Variants in CHST11 observed in about 807,000 individuals in gnomAD.
CHST11 encodes the protein C4S-1.
A neutral mutation model predicts 30.4 loss-of-function variants in CHST11; 9 were observed. The observed-to-expected ratio is 0.30, with a 90% confidence interval of 0.18 to 0.52. The LOEUF (loss-of-function observed/expected upper bound fraction) is 0.52. Ranked by LOEUF, CHST11 falls within the 20% of genes least tolerant of loss-of-function variation. CHST11 has a pLI of 0.97. For synonymous variants in CHST11, 152 were observed against 187.8 expected (o/e 0.81, Z 1.56); for missense variants, 348 against 460.6 (o/e 0.76, Z 2.24).
In CHST11 at chr12:104,537,284, G is replaced by C. The variant is rs535907971; in HGVS notation, c.119-64622G>C. On this transcript the variant is annotated intron_variant, in intron 1 of 2. Coordinates refer to ENST00000303694, the MANE Select transcript of CHST11 (RefSeq NM_018413.6). ...GAAGACCTAAAACAGCAGAACCTAA[G>C]ATGGTGGGCTGGTGCTATCCATAGA... Among the ~76,000 whole-genome samples, 21 of 152,342 alleles carry C rather than the reference G, an allele frequency of 1.4e-4. No individual in the cohort carries two copies. In the South Asian group the frequency reaches 4.1e-3, roughly 30 times the overall value.
intron 1 of CHST11, among the ~76,000 whole-genome samples, chr12:104,468,190 G>A (rs1019638795): frequency 6.6e-5 from 10 of 152,122 alleles, no homozygotes; most frequent in Non-Finnish European, 1.3e-4. Context: ...TTTTAAATAG[G>A]ATTGTCAGGG....
At chr12:104,590,659 T>A (rs1424146633) in intron 1 of CHST11, among the ~76,000 whole-genome samples, 1 of 151,478 alleles carries the variant, frequency 6.6e-6, no homozygotes, top group Non-Finnish European at 1.5e-5. Flanking sequence ...CAGTGGCTCA[T>A]GCCTGTAATC....
At chr12:104,598,266 C>T (rs1230069062) in intron 1 of CHST11, among the ~76,000 whole-genome samples, 1 of 152,252 alleles carries the variant, frequency 6.6e-6, no homozygotes, top group East Asian at 1.9e-4. Flanking sequence ...TCATTTGTGG[C>T]CCCTGGAAAC....
rs1294894353 is a variant in CHST11 at position 104,758,351 on chromosome 12, C to T, written c.*548C>T. The T allele has an allele frequency of 6.6e-6, 1 of 152,274 alleles. No individual in the cohort carries two copies. Among genetic ancestry groups the T allele is most frequent in the Non-Finnish European group, 1.5e-5 (1 of 68,126 alleles). The allele number at this position is 152,274 out of a possible 1,614,324, so 9.4% of individuals were successfully genotyped here. A position where few individuals can be genotyped will look rare whatever the true frequency, so the allele number is the denominator to read the frequency against. Reference sequence around the variant, plus strand: ...CTTAGAGTCATCTTTGCAAGGGACTCATTCCAAACCAATTCCAATCGACCT... The same window carrying T: ...CTTAGAGTCATCTTTGCAAGGGACTTATTCCAAACCAATTCCAATCGACCT... On this transcript the variant is annotated 3_prime_UTR_variant, in exon 3 of 3. Transcript: ENST00000303694.
chr12:104,668,020 G>C (rs2039657913), intron 2 of CHST11, among the ~76,000 whole-genome samples: 1 of 152,142 alleles, frequency 6.6e-6, no homozygotes, highest in Non-Finnish European at 1.5e-5. Flanking sequence ...CTAGCCAGTA[G>C]AGCCAACCCA....
At chr12:104,584,201 A>G (rs1310395293) in intron 1 of CHST11, among the ~76,000 whole-genome samples, 1 of 151,672 alleles carries the variant, frequency 6.6e-6, no homozygotes, top group Non-Finnish European at 1.5e-5. Flanking sequence ...ATACTATACA[A>G]TGTGAAAGAA....
chr12:104,626,075 C>A (rs2039212215), intron 2 of CHST11, among the ~76,000 whole-genome samples: 1 of 152,126 alleles, frequency 6.6e-6, no homozygotes. Flanking sequence ...CACAGGGGGA[C>A]TGTTTAACCT....
intron 2 of CHST11, among the ~76,000 whole-genome samples, chr12:104,627,599 G>A (rs970346621): frequency 1.6e-4 from 25 of 152,178 alleles, no homozygotes; most frequent in African/African-American, 5.8e-4. Flanking sequence ...ATTACTAAGT[G>A]TTCCTTAGCC....
rs1212047586 is a variant in CHST11 at position 104,457,290 on chromosome 12, C to T, written c.-122C>T. The T allele has an allele frequency of 6.1e-6, 4 of 653,536 alleles. No homozygotes were observed. The East Asian group carries it at 1.1e-4, about 18-fold the overall frequency. 40.5% of individuals were successfully genotyped at this position (653,536 alleles called of 1,614,324 possible). A position where few individuals can be genotyped will look rare whatever the true frequency, so the allele number is the denominator to read the frequency against. On this transcript the variant is annotated 5_prime_UTR_variant, in exon 1 of 3. Transcript: ENST00000303694. ...GGCCGCGAAGCGACTCCGATCCTCC[C>T]TCTGAGCCTTGCTCAGCTCTGCCCC...
At chr12:104,476,254 G>A (rs1412446242) in intron 1 of CHST11, among the ~76,000 whole-genome samples, 1 of 148,082 alleles carries the variant, frequency 6.8e-6, no homozygotes, top group Non-Finnish European at 1.5e-5. Flanking sequence ...ACACATATAT[G>A]TAATATATGT....
At chr12:104,608,618 T>C (rs138115895) in intron 2 of CHST11, among the ~76,000 whole-genome samples, 96 of 152,278 alleles carry the variant, frequency 6.3e-4, no homozygotes, top group African/African-American at 2.2e-3. Flanking sequence ...ATTCCCTTGG[T>C]AAACTCTTTT....
intron 1 of CHST11, among the ~76,000 whole-genome samples, chr12:104,588,171 A>C (rs2038823908): frequency 6.6e-6 from 1 of 151,968 alleles, no homozygotes; most frequent in African/African-American, 2.4e-5. Context: ...ATAGAGCCGT[A>C]CAGCATCCCC....
chr12:104,540,105 C>T (rs2038272966), intron 1 of CHST11, among the ~76,000 whole-genome samples: 1 of 152,208 alleles, frequency 6.6e-6, no homozygotes, highest in African/African-American at 2.4e-5. Context: ...CAGTGTAGCA[C>T]TGGTTGTGCA....
chr12:104,677,531 A>C (rs952933847), intron 2 of CHST11, among the ~76,000 whole-genome samples: 9 of 152,250 alleles, frequency 5.9e-5, no homozygotes, highest in Non-Finnish European at 1.3e-4. Context: ...ATTGGAGCCT[A>C]GAGCCTAAAT....
intron 1 of CHST11, among the ~76,000 whole-genome samples, chr12:104,588,535 A>C (rs1175117500): frequency 6.6e-6 from 1 of 152,180 alleles, no homozygotes; most frequent in East Asian, 1.9e-4. Context: ...TCTTGCCGCC[A>C]AAGACCAGAC....
At chr12:104,618,485 T>C (rs2039130570) in intron 2 of CHST11, among the ~76,000 whole-genome samples, 1 of 152,138 alleles carries the variant, frequency 6.6e-6, no homozygotes, top group South Asian at 2.1e-4. Context: ...TTCTCCTGCG[T>C]TGGCCTCCCA....
At chr12:104,485,796 A>C (rs537061849) in intron 1 of CHST11, among the ~76,000 whole-genome samples, 277 of 152,314 alleles carry the variant, frequency 1.8e-3, no homozygotes, top group Non-Finnish European at 3.5e-3. Context: ...CTGCAAATGG[A>C]AACGGTGGAA....
At chr12:104,680,225 C>T (rs774429703) in intron 2 of CHST11, among the ~76,000 whole-genome samples, 1 of 152,230 alleles carries the variant, frequency 6.6e-6, no homozygotes, top group Admixed American at 6.5e-5. Context: ...GTAGTAATAG[C>T]ATGAGTGAGC....
intron 2 of CHST11, among the ~76,000 whole-genome samples, chr12:104,664,279 A>G (rs573347569): frequency 6.6e-6 from 1 of 152,332 alleles, no homozygotes; most frequent in Admixed American, 6.5e-5. Context: ...ACTCTTATGT[A>G]TGTCATCGAT....
Sources: allele counts gnomAD v4.1 joint callset (sites outside exome capture counted in the v4.1 genomes callset), GRCh38; gene constraint gnomAD v4.1.1; transcripts MANE v1.5; gene names NCBI Gene and HGNC (gene_info 2026-07-23, HGNC 2026-07-21).